METTL16: variants seen among roughly 807,000 people sequenced by gnomAD.
METTL16 encodes the protein methyltransferase 16, RNA N6-adenosine, also known as RNA N(6)-adenosine-methyltransferase METTL16.
Under a neutral mutation model 57.9 loss-of-function variants are expected in METTL16, and 19 were observed. That is an observed-to-expected ratio of 0.33 (90% CI 0.23 to 0.48). The LOEUF (loss-of-function observed/expected upper bound fraction) is 0.48, where lower values mean the gene tolerates loss of function less well. Among genes scored for constraint, METTL16 ranks in the 20% least tolerant of loss-of-function variants. The pLI is 0.99. For synonymous variants in METTL16, 246 were observed against 255.6 expected (o/e 0.96, Z 0.36); for missense variants, 434 against 691.5 (o/e 0.63, Z 4.18).
chr17:2,497,352 G>A (rs1350511394), intron 2 of METTL16, among the ~76,000 whole-genome samples: 10 of 114,450 alleles, frequency 8.7e-5, no homozygotes, highest in Middle Eastern at 9.6e-3. Context: ...TCACTCTGTC[G>A]CCCAGGCTGG....
At chr17:2,490,812 T>G (rs1293235189) in intron 2 of METTL16, among the ~76,000 whole-genome samples, 4 of 152,174 alleles carry the variant, frequency 2.6e-5, no homozygotes, top group East Asian at 1.9e-4. Flanking sequence ...AGAAAGTTGT[T>G]GCTTACATAA....
intron 3 of METTL16, chr17:2,477,344 C>A (rs2067275901): frequency 2.1e-5 from 5 of 232,842 alleles, no homozygotes; most frequent in Non-Finnish European, 2.6e-5. Context: ...AACGGTAATG[C>A]AGGCTGAGGA....
intron 2 of METTL16, among the ~76,000 whole-genome samples, chr17:2,482,237 A>G (rs541294847): frequency 7.9e-5 from 12 of 152,338 alleles, no homozygotes; most frequent in African/African-American, 2.9e-4. Context: ...AAGCGAAACC[A>G]TACGTAACAA....
chr17:2,477,199 A>T (rs1377619170), intron 3 of METTL16, among the ~76,000 whole-genome samples: 1 of 152,164 alleles, frequency 6.6e-6, no homozygotes, highest in Non-Finnish European at 1.5e-5. Flanking sequence ...AAATTAAAAA[A>T]ATAAAATGAA....
intron 2 of METTL16, among the ~76,000 whole-genome samples, chr17:2,479,093 A>C (rs2067286061): frequency 6.6e-6 from 1 of 152,216 alleles, no homozygotes; most frequent in Admixed American, 6.5e-5. Flanking sequence ...TGCTAAACTG[A>C]AAATATTAAA....
intron 1 of METTL16, among the ~76,000 whole-genome samples, chr17:2,502,739 C>G (rs1169840053): frequency 6.6e-6 from 1 of 151,240 alleles, no homozygotes; most frequent in East Asian, 1.9e-4. Flanking sequence ...TTAATAGTTA[C>G]AGCCAACATG....
At chr17:2,447,120 C>A (rs2067003844) in intron 6 of METTL16, among the ~76,000 whole-genome samples, 1 of 141,882 alleles carries the variant, frequency 7.0e-6, no homozygotes, top group African/African-American at 3.0e-5. Context: ...GGCCGCCGTC[C>A]CATCTAGGAA....
At chr17:2,439,179 A>G (rs2066929723) in intron 7 of METTL16, among the ~76,000 whole-genome samples, 1 of 152,090 alleles carries the variant, frequency 6.6e-6, no homozygotes, top group South Asian at 2.1e-4. Flanking sequence ...GCGTGATCTT[A>G]GCTTGCTGCA....
Position 2,464,214 on chromosome 17 carries a change from C to G in METTL16, c.722G>C (p.Arg241Thr), listed in dbSNP as rs531496763. 16 of 1,609,976 alleles carry G rather than the reference C, an allele frequency of 9.9e-6. No homozygotes were observed. The highest frequency in any genetic ancestry group is 1.4e-5 in the Non-Finnish European group (16 of 1,178,824). Residue 241 changes from arginine to threonine, a missense_variant, in exon 6 of 10, where the codon AGA becomes ACA. Physicochemically the swap from Arg to Thr is moderately conservative, Grantham distance 71 (BLOSUM62 -1). Coordinates refer to ENST00000263092, the MANE Select transcript of METTL16 (RefSeq NM_024086.4). ...GTTGTAAAAACAGACTTACCTTAAT[C>G]TTTTTTTAAGTTGTAGACTGTCATG... ...IIHDSLQLKK[R>T]LRWYSCMLGK... is the part of the protein sequence containing the mutation.
chr17:2,442,388 C>G (rs1391013659), intron 6 of METTL16, among the ~76,000 whole-genome samples: 5 of 152,104 alleles, frequency 3.3e-5, no homozygotes, highest in Non-Finnish European at 1.5e-5. Flanking sequence ...AGTCCAACGT[C>G]TTGCTGAGTT....
chr17:2,443,229 C>T (rs1354654984), intron 6 of METTL16, among the ~76,000 whole-genome samples: 1 of 152,130 alleles, frequency 6.6e-6, no homozygotes, highest in African/African-American at 2.4e-5. Context: ...CCGCCTCAGC[C>T]TCTCTAAGTG....
At chr17:2,481,350 G>T (rs1268022358) in intron 2 of METTL16, among the ~76,000 whole-genome samples, 3 of 151,344 alleles carry the variant, frequency 2.0e-5, no homozygotes, top group African/African-American at 7.3e-5. Context: ...GTAAAATGAA[G>T]AAATCTGACA....
rs1365984447 is a variant in METTL16, at chr17:2,417,664, C to CA, written c.*2305dup. ...CCAGAATACAAAACTGAATACGCAG[C>CA]ATGAGGACAACCAAAGTTAAACCCA... is the stretch of plus-strand genomic sequence containing the variant. On this transcript the variant is annotated 3_prime_UTR_variant, in exon 10 of 10. Transcript: ENST00000263092. The CA allele has an allele frequency of 6.6e-6, 1 of 152,202 alleles. No homozygotes were observed. Among genetic ancestry groups the CA allele is most frequent in the Non-Finnish European group, 1.5e-5 (1 of 68,044 alleles). 9.4% of individuals were successfully genotyped at this position (152,202 alleles called of 1,614,324 possible).
At chr17:2,464,375 T>C in intron 5 of METTL16, 25 bp from the exon 6 acceptor site, 2 of 1,578,740 alleles carry the variant, frequency 1.3e-6, no homozygotes, top group Non-Finnish European at 1.7e-6. Flanking sequence ...AAAACCCTGG[T>C]GAAAAATGTG....
intron 6 of METTL16, among the ~76,000 whole-genome samples, chr17:2,452,025 T>C (rs566688383): frequency 2.1e-4 from 31 of 150,940 alleles, no homozygotes; most frequent in Admixed American, 1.1e-3. Context: ...TGGTCCCAGC[T>C]ACTAGGGGGG....
At chr17:2,457,194 T>C (rs1423832317) in intron 6 of METTL16, among the ~76,000 whole-genome samples, 2 of 149,940 alleles carry the variant, frequency 1.3e-5, no homozygotes, top group Non-Finnish European at 3.0e-5. Flanking sequence ...AAAAATTAGC[T>C]GGGCGTGGTG....
At chr17:2,451,093 T>C (rs944174838) in intron 6 of METTL16, among the ~76,000 whole-genome samples, 3 of 152,176 alleles carry the variant, frequency 2.0e-5, no homozygotes, top group Non-Finnish European at 4.4e-5. Context: ...TGAAAAATAC[T>C]ATTATATTAC....
chr17:2,434,909 T>C (rs2066898744), intron 8 of METTL16, among the ~76,000 whole-genome samples: 1 of 152,224 alleles, frequency 6.6e-6, no homozygotes, highest in Admixed American at 6.5e-5. Context: ...AACAACTCAC[T>C]AGGGCTACAC....
chr17:2,432,899 A>G (rs564077957), intron 8 of METTL16, among the ~76,000 whole-genome samples: 2 of 152,340 alleles, frequency 1.3e-5, no homozygotes, highest in African/African-American at 2.4e-5. Context: ...CATTTTACAG[A>G]TGAGGAAACT....
Sources: allele counts gnomAD v4.1 joint callset (sites outside exome capture counted in the v4.1 genomes callset), GRCh38; gene constraint gnomAD v4.1.1; transcripts MANE v1.5; gene names NCBI Gene and HGNC (gene_info 2026-07-23, HGNC 2026-07-21).